MAGI2: variants seen among roughly 807,000 people sequenced by gnomAD.
MAGI2 encodes the protein membrane associated guanylate kinase, WW and PDZ domain containing 2, also known as membrane-associated guanylate kinase, WW and PDZ domain-containing protein 2.
In MAGI2, 35 loss-of-function variants were observed where a neutral mutation model predicts 133.3. The observed-to-expected ratio is 0.26, with a 90% CI of 0.20 to 0.35. MAGI2 has a LOEUF of 0.35. Among genes scored for constraint, MAGI2 ranks in the 10% least tolerant of loss-of-function variants. The pLI, the probability that MAGI2 is intolerant of heterozygous loss-of-function variation, is 1.00. For synonymous variants in MAGI2, 729 were observed against 710.6 expected (o/e 1.03, Z -0.41); for missense variants, 1,636 against 1,863.4 (o/e 0.88, Z 2.25).
intron 2 of MAGI2, among the ~76,000 whole-genome samples, chr7:78,938,911 G>A (rs1800756291): frequency 6.6e-6 from 1 of 152,064 alleles, no homozygotes. Flanking sequence ...AAAATTTTTT[G>A]GAGATTAAGA....
At chr7:78,759,633 T>A (rs1009187207) in intron 2 of MAGI2, among the ~76,000 whole-genome samples, 15 of 152,298 alleles carry the variant, frequency 9.8e-5, no homozygotes, top group African/African-American at 3.6e-4. Context: ...TATTAAAGAA[T>A]GATGCTAATA....
At chr7:78,734,669 G>A (rs965545408) in intron 2 of MAGI2, among the ~76,000 whole-genome samples, 7 of 152,140 alleles carry the variant, frequency 4.6e-5, no homozygotes, top group African/African-American at 1.7e-4. Context: ...GTATGTTTCC[G>A]CTTTCCTTCT....
At position 79,123,046 on chromosome 7, in the gene MAGI2, A is replaced by G. The variant is rs1020288072; in HGVS notation, c.302-115840T>C. On this transcript the variant is annotated intron_variant, in intron 1 of 21. Transcript: ENST00000354212. The stretch of plus-strand genomic sequence containing the variant: ...TGTTCATTAAGAGAAACAGAGAATG[A>G]AGGAAACAACCACCAACCAAACAAA... Among the ~76,000 whole-genome samples, 35 of 152,214 alleles carry G rather than the reference A, an allele frequency of 2.3e-4. 1 individual carries two copies. Among genetic ancestry groups the G allele is most frequent in the Admixed American group, 6.5e-5 (1 of 15,278 alleles).
intron 21 of MAGI2, among the ~76,000 whole-genome samples, chr7:78,030,036 A>G (rs898472429): frequency 2.6e-5 from 4 of 152,186 alleles, no homozygotes; most frequent in African/African-American, 9.7e-5. Context: ...GAAGCAAGTC[A>G]GCAACTTGTG....
intron 10 of MAGI2, among the ~76,000 whole-genome samples, chr7:78,215,725 G>C (rs907022867): frequency 3.3e-5 from 5 of 152,174 alleles, no homozygotes; most frequent in Admixed American, 6.5e-5. Context: ...GAGGAAAAGG[G>C]GGTAGCAAGT....
At chr7:78,134,881 T>C (rs967024613) in intron 17 of MAGI2, 140 bp downstream of exon 17, 1 of 684,120 alleles carries the variant, frequency 1.5e-6, no homozygotes, top group African/African-American at 1.8e-5. Context: ...AAAGTGGAAA[T>C]AATAATCAAC....
chr7:78,954,421 G>A (rs1802128143), intron 2 of MAGI2, among the ~76,000 whole-genome samples: 1 of 151,976 alleles, frequency 6.6e-6, no homozygotes, highest in Non-Finnish European at 1.5e-5. Flanking sequence ...TGGAAAAATA[G>A]CCACAGTTAA....
chr7:78,507,948 G>C (rs977098757), intron 4 of MAGI2, among the ~76,000 whole-genome samples: 1 of 152,190 alleles, frequency 6.6e-6, no homozygotes, highest in Non-Finnish European at 1.5e-5. Flanking sequence ...TTACATTCAG[G>C]AGGTTAAAGT....
chr7:78,685,666 G>GTA (rs1563351528), intron 2 of MAGI2, among the ~76,000 whole-genome samples: 1 of 150,508 alleles, frequency 6.6e-6, no homozygotes, highest in African/African-American at 2.4e-5. Flanking sequence ...GTGTGTGTGT[G>GTA]TATATATAGG....
rs576194015 is a variant in MAGI2 at position 78,576,604 on chromosome 7, A to C, written c.538+50516T>G. Among the ~76,000 whole-genome samples, 10 of 147,572 alleles carry C rather than the reference A, an allele frequency of 6.8e-5. No homozygotes were observed. The East Asian group carries it at 2.3e-3, about 34-fold the overall frequency. ...CCATCAGAAGACCACAGAGGAAGGA[A>C]TGTTACACATAGACACCAAGGAAAA... On this transcript the variant is annotated intron_variant, in intron 3 of 21. Coordinates refer to ENST00000354212, the MANE Select transcript of MAGI2 (RefSeq NM_012301.4).
At chr7:78,452,516 T>A (rs10266313) in intron 6 of MAGI2, among the ~76,000 whole-genome samples, 11,924 of 151,952 alleles carry the variant, frequency 0.078, 732 homozygotes, top group African/African-American at 0.16. Flanking sequence ...CTAAAATAAA[T>A]AGTTGAAAAT....
chr7:78,085,579 CACAA>C (rs1342813179), intron 20 of MAGI2, among the ~76,000 whole-genome samples: 96 of 144,498 alleles, frequency 6.6e-4, no homozygotes, highest in African/African-American at 1.8e-3. Context: ...CACACACACA[CACAA>C]ACAAAACAAA....
chr7:78,181,078 C>T (rs983550313), intron 13 of MAGI2, among the ~76,000 whole-genome samples: 1 of 151,920 alleles, frequency 6.6e-6, no homozygotes, highest in Admixed American at 6.6e-5. Context: ...TTCCTTCCTG[C>T]TTTGTTAGCT....
At chr7:78,362,861 G>GT (rs538890330) in intron 7 of MAGI2, among the ~76,000 whole-genome samples, 6 of 152,100 alleles carry the variant, frequency 3.9e-5, no homozygotes, top group East Asian at 1.9e-4. Flanking sequence ...CTGAGAGGCT[G>GT]TTTTTTTGTT....
intron 7 of MAGI2, chr7:78,347,275 C>A (rs1791020578): frequency 6.6e-6 from 1 of 152,336 alleles, no homozygotes; most frequent in Non-Finnish European, 1.5e-5. Context: ...TCTCAACAAC[C>A]AATTTCCAAT....
intron 1 of MAGI2, among the ~76,000 whole-genome samples, chr7:79,202,456 T>A (rs1174023118): frequency 6.6e-6 from 1 of 151,930 alleles, no homozygotes; most frequent in African/African-American, 2.4e-5. Flanking sequence ...TGTTTATAGT[T>A]TTAGCATAAG....
At chr7:79,193,516 A>G (rs2129551349) in intron 1 of MAGI2, among the ~76,000 whole-genome samples, 1 of 152,122 alleles carries the variant, frequency 6.6e-6, no homozygotes, top group East Asian at 1.9e-4. Flanking sequence ...GCCATTCTAC[A>G]TACAAGTTAA....
chr7:78,501,501 C>T, intron 5 of MAGI2, 76 bp downstream of exon 5: 12 of 944,730 alleles, frequency 1.3e-5, no homozygotes, highest in South Asian at 4.3e-5. Flanking sequence ...TTTTTTTTTC[C>T]ACGTCTAACT....
At chr7:78,043,008 T>C (rs1208827669) in intron 21 of MAGI2, among the ~76,000 whole-genome samples, 1 of 152,342 alleles carries the variant, frequency 6.6e-6, no homozygotes, top group Non-Finnish European at 1.5e-5. Context: ...ACATTATCGT[T>C]TGGAGTCAGA....
Sources: gnomAD v4.1 joint callset for allele counts (sites outside exome capture counted in the v4.1 genomes callset) on GRCh38, gnomAD v4.1.1 for gene constraint, MANE v1.5 for transcripts, NCBI Gene and HGNC (gene_info 2026-07-23, HGNC 2026-07-21) for gene names.